Variants in FGF17 observed in about 807,000 individuals in gnomAD.
The protein encoded by FGF17 is fibroblast growth factor 17.
Under a neutral mutation model 23.5 loss-of-function variants are expected in FGF17, and 5 were observed. The ratio of observed to expected loss-of-function variants is 0.21; its 90% CI spans 0.11 to 0.45. The LOEUF is 0.45. FGF17 is among the 20% of genes least tolerant of loss of function. FGF17 has a pLI of 0.99. For missense variants in FGF17, 221 were observed against 306.9 expected, an observed-to-expected ratio of 0.72 and a Z score of 2.09; for synonymous variants, 136 against 123.0, an observed-to-expected ratio of 1.11 and a Z score of -0.70.
intron 2 of FGF17, chr8:22,045,560 C>G (rs3176289): frequency 1.0e-6 from 1 of 996,884 alleles, no homozygotes; most frequent in African/African-American, 1.7e-5. Flanking sequence ...CCTGCAGGAG[C>G]TTTCAGAGTC....
rs766728566 is a variant in FGF17, at chr8:22,042,902, G to C, written c.-27G>C. 1.4e-5 allele frequency: 23 copies of C among 1,612,546 alleles called. No individual in the cohort carries two copies. Among genetic ancestry groups the C allele is most frequent in the Non-Finnish European group, 1.9e-5 (23 of 1,179,494 alleles). On this transcript the variant is annotated 5_prime_UTR_variant, in exon 1 of 5. Coordinates refer to ENST00000359441, the MANE Select transcript of FGF17 (RefSeq NM_003867.4). Reference sequence around the variant, plus strand: ...TGCTCCTGAGCTTGGGGGCAGGGGGGCAACCGCCTGAGGAACCTCTCCAGC... The same window carrying C: ...TGCTCCTGAGCTTGGGGGCAGGGGGCCAACCGCCTGAGGAACCTCTCCAGC...
At chr8:22,040,323 A>G (rs1281516105), upstream of FGF17, among the ~76,000 whole-genome samples, 1 of 152,236 alleles carries the variant, frequency 6.6e-6, no homozygotes, top group Non-Finnish European at 1.5e-5. Flanking sequence ...CAGGTCACAC[A>G]GCGTATAAGG....
chr8:22,046,402 A>G, intron 3 of FGF17, 111 bp downstream of exon 3: 1 of 1,463,130 alleles, frequency 6.8e-7, no homozygotes. Flanking sequence ...GAGGGCCCCA[A>G]GGGCCTGAGT....
Position 22,048,106 on chromosome 8 carries a change from C to T in FGF17, c.508C>T (p.Arg170Cys). 1.2e-6 allele frequency: 2 copies of T among 1,613,300 alleles called. No homozygotes were observed. The highest frequency in any genetic ancestry group is 1.7e-6 in the Non-Finnish European group (2 of 1,179,840). ...GGCTTCCCGCAGCCGCCAGAACCAGCGCGAGGCCCACTTCATCAAGCGCCT... is the reference window on the plus strand; with the variant it reads ...GGCTTCCCGCAGCCGCCAGAACCAGTGCGAGGCCCACTTCATCAAGCGCCT... Reference protein sequence around the residue: ...RQASRSRQNQREAHFIKRLYQ... With the variant: ...RQASRSRQNQCEAHFIKRLYQ... Residue 170 changes from arginine (R) to cysteine (C), a missense_variant, in exon 5 of 5, where the codon CGC becomes TGC. By Grantham distance (180) the Arg-to-Cys change is radical (BLOSUM62 -3). This residue lies in a region of FGF17 where 128 missense variants were observed against 150.4 expected (regional missense o/e 0.85). Transcript: ENST00000359441. This position sits in a 1 kb window ranked among gnomAD's most constrained non-coding sequence, Gnocchi z 6.9.
chr8:22,045,648 G>A (rs1389379478), intron 2 of FGF17: 22 of 1,066,636 alleles, frequency 2.1e-5, no homozygotes, highest in Non-Finnish European at 2.2e-5. Flanking sequence ...GGTCTTTCAA[G>A]GCCAGTGGGG....
intron 2 of FGF17, 58 bp from the exon 3 acceptor site, chr8:22,046,056 C>T (rs1800858903): frequency 1.9e-6 from 3 of 1,613,544 alleles, no homozygotes; most frequent in Non-Finnish European, 2.5e-6. Context: ...CTTGGATGGA[C>T]CAGTGGTGGT....
intron 4 of FGF17, 94 bp from the exon 5 acceptor site, chr8:22,047,862 G>C: frequency 7.8e-7 from 1 of 1,275,308 alleles, no homozygotes; most frequent in Non-Finnish European, 1.1e-6. Context: ...TGTTCCCGTT[G>C]TCCCTCCTCA....
At chr8:22,041,975 G>A (rs996839153), upstream of FGF17, among the ~76,000 whole-genome samples, 1 of 152,228 alleles carries the variant, frequency 6.6e-6, no homozygotes, top group Non-Finnish European at 1.5e-5. Context: ...GCACTGGAAG[G>A]AAGGGGATGC....
Position 22,048,269 on chromosome 8 carries a change from C to T in FGF17, c.*20C>T. On this transcript the variant is annotated 3_prime_UTR_variant, in exon 5 of 5. Coordinates refer to ENST00000359441, the MANE Select transcript of FGF17 (RefSeq NM_003867.4). The surrounding 1 kb of genome is among the most constrained non-coding windows in gnomAD (Gnocchi z 6.9). Reference sequence around the variant, plus strand: ...ACGTAGTCTGGGAGGCAGGGGGCAGCAGCCCCTGGGCCGCCTCCCCACCCC... The same window carrying T: ...ACGTAGTCTGGGAGGCAGGGGGCAGTAGCCCCTGGGCCGCCTCCCCACCCC... 6.4e-7 allele frequency: 1 copy of T among 1,568,586 alleles called. No individual in the cohort carries two copies. The highest frequency in any genetic ancestry group is 8.7e-7 in the Non-Finnish European group (1 of 1,154,652).
chr8:22,047,952 G>T lies in FGF17; in HGVS notation c.358-4G>T, dbSNP rs972866895. On this transcript the variant is annotated splice_polypyrimidine_tract_variant and splice_region_variant and intron_variant, in intron 4 of 4. Coordinates refer to ENST00000359441, the MANE Select transcript of FGF17 (RefSeq NM_003867.4). ...TGCCCTTCCTGTCCTTGCTTCTCCC[G>T]CAGCCCAGCGGGAAGAGCAAAGACT... is the stretch of plus-strand genomic sequence containing the variant. 6.3e-7 allele frequency: 1 copy of T among 1,596,000 alleles called. No individual in the cohort carries two copies.
Position 22,042,840 on chromosome 8 carries a change from C to A in FGF17, c.-89C>A. 7.1e-7 allele frequency: 1 copy of A among 1,415,686 alleles called. No homozygotes were observed. Among genetic ancestry groups the A allele is most frequent in the Non-Finnish European group, 9.9e-7 (1 of 1,015,026 alleles). The allele number at this position is 1,415,686 out of a possible 1,614,324, so 87.7% of individuals were successfully genotyped here. A position where few individuals can be genotyped will look rare whatever the true frequency, so the allele number is the denominator to read the frequency against. On this transcript the variant is annotated 5_prime_UTR_variant, in exon 1 of 5. Transcript: ENST00000359441. Reference sequence around the variant, plus strand: ...AACCTGTGGCTCGGAGAGACCTTGGCTTCTCTGGGACTCTACCCCTGGGGA... The same window carrying A: ...AACCTGTGGCTCGGAGAGACCTTGGATTCTCTGGGACTCTACCCCTGGGGA...
chr8:22,043,287 C>G, intron 2 of FGF17, 106 bp downstream of exon 2: 1 of 1,168,316 alleles, frequency 8.6e-7, no homozygotes, highest in Middle Eastern at 1.9e-4. Context: ...AGAGTCTGGC[C>G]TCTCCCTGGG....
At chr8:22,046,485 A>G (rs1309568039) in intron 3 of FGF17, 42 bp from the exon 4 acceptor site, 1 of 1,542,786 alleles carries the variant, frequency 6.5e-7, no homozygotes, top group Non-Finnish European at 8.9e-7. Context: ...ATAGGCCGGC[A>G]GCCCCGATGG....
At chr8:22,044,197 T>C (rs866416751) in intron 2 of FGF17, among the ~76,000 whole-genome samples, 7 of 152,008 alleles carry the variant, frequency 4.6e-5, no homozygotes, top group Admixed American at 6.5e-5. Context: ...CGGGCGTTTA[T>C]GGCCTGGCTG....
chr8:22,041,955 C>G (rs3176259), upstream of FGF17, among the ~76,000 whole-genome samples: 1,393 of 152,270 alleles, frequency 9.1e-3, 14 homozygotes, highest in African/African-American at 0.032. Flanking sequence ...CAGAGAGGCT[C>G]TAGGGACAGG....
chr8:22,044,652 G>C (rs937484927), intron 2 of FGF17: 72 of 984,706 alleles, frequency 7.3e-5, no homozygotes, highest in Middle Eastern at 5.2e-4. Flanking sequence ...AGGCTGGGCA[G>C]GTCCCCCACC....
upstream of FGF17, chr8:22,042,614 C>A: frequency 1.7e-6 from 1 of 574,138 alleles, no homozygotes; most frequent in Non-Finnish European, 3.1e-6. Flanking sequence ...CCGCTCCATC[C>A]CTGCACTGGG....
rs1341829136 is a variant in FGF17, at chr8:22,046,651, G to A, written c.357+18G>A. ...TCGGGAAGGTGAGGCTGGGAGACTGGGAAGTAACAGAGAATCAGCCCTACT... is the reference window on the plus strand; with the variant it reads ...TCGGGAAGGTGAGGCTGGGAGACTGAGAAGTAACAGAGAATCAGCCCTACT... On this transcript the variant is annotated intron_variant, in intron 4 of 4. Coordinates refer to ENST00000359441, the MANE Select transcript of FGF17 (RefSeq NM_003867.4). 1 of 1,559,124 alleles carries A rather than the reference G, an allele frequency of 6.4e-7. No homozygotes were observed. The highest frequency in any genetic ancestry group is 1.4e-5 in the African/African-American group (1 of 74,014).
intron 2 of FGF17, chr8:22,044,777 G>T: frequency 1.0e-6 from 1 of 985,450 alleles, no homozygotes; most frequent in Non-Finnish European, 1.2e-6. Context: ...TTAACCCCGC[G>T]CAGGTTAAAT....
Sources: gnomAD v4.1 joint callset for allele counts (sites outside exome capture counted in the v4.1 genomes callset) on GRCh38, gnomAD v4.1.1 for gene constraint, gnomAD v4.1.1 regional missense constraint, Gnocchi (gnomAD v3.1) non-coding constraint, MANE v1.5 for transcripts, NCBI Gene and HGNC (gene_info 2026-07-23, HGNC 2026-07-21) for gene names.